The following HSPA4L variants were observed in gnomAD, a reference collection of about 807,000 sequenced individuals.
The protein encoded by HSPA4L is heat shock 70 kDa protein 4L.
A neutral mutation model predicts 100.3 loss-of-function variants in HSPA4L; 48 were observed. The ratio of observed to expected loss-of-function variants is 0.48; its 90% confidence interval spans 0.38 to 0.61. The LOEUF is 0.61. Ranked by LOEUF, HSPA4L falls within the 20% of genes least tolerant of loss-of-function variation. HSPA4L has a pLI of 0.00. For missense variants in HSPA4L, 886 were observed against 988.6 expected (o/e 0.90, Z 1.39); for synonymous variants, 319 against 328.2 (o/e 0.97, Z 0.30).
intron 8 of HSPA4L, among the ~76,000 whole-genome samples, chr4:127,804,855 A>G (rs1578702779): frequency 1.3e-5 from 2 of 152,154 alleles, no homozygotes; most frequent in Admixed American, 6.5e-5. Context: ...TTCTCTTTCT[A>G]TTGCCACTCC....
chr4:127,796,015 T>G (rs1400378678), intron 3 of HSPA4L, 107 bp downstream of exon 3: 1 of 943,364 alleles, frequency 1.1e-6, no homozygotes, highest in African/African-American at 1.6e-5. Context: ...ATACAGTACA[T>G]ACACACCGAA....
intron 18 of HSPA4L, among the ~76,000 whole-genome samples, chr4:127,831,226 G>A (rs564016577): frequency 1.1e-4 from 17 of 152,160 alleles, no homozygotes; most frequent in East Asian, 5.8e-4. Context: ...TTGGCCAGGC[G>A]TGGTGGCTCA....
intron 13 of HSPA4L, 114 bp downstream of exon 13, chr4:127,818,534 A>C (rs1456794231): frequency 1.3e-5 from 7 of 552,788 alleles, no homozygotes; most frequent in Non-Finnish European, 2.2e-5. Context: ...TTGTGAGAGA[A>C]TATAGAAAGC....
Position 127,803,802 on chromosome 4 carries a change from A to T in HSPA4L, c.837A>T (p.Ala279=). ...AAAAACTAAAGAAGCTAATGAGTGC[A>T]AATGCATCAGATCTTCCATTGAACA... ...ECEKLKKLMS[A]NASDLPLNIE... Residue 279 remains alanine (A), a synonymous_variant, in exon 7 of 19, where the codon GCA becomes GCT. Transcript: ENST00000296464. 1 of 1,613,930 alleles carries T rather than the reference A, an allele frequency of 6.2e-7. No individual in the cohort carries two copies. Among genetic ancestry groups the T allele is most frequent in the Non-Finnish European group, 8.5e-7 (1 of 1,179,868 alleles).
At chr4:127,820,276 A>G (rs1013228635) in intron 13 of HSPA4L, 152 bp from the exon 14 acceptor site, 2 of 578,546 alleles carry the variant, frequency 3.5e-6, no homozygotes, top group Non-Finnish European at 5.4e-6. Flanking sequence ...AGGATTTAAC[A>G]TACACAGACT....
chr4:127,831,479 G>A (rs75862345), intron 18 of HSPA4L, among the ~76,000 whole-genome samples: 2,895 of 141,228 alleles, frequency 0.02, 43 homozygotes, highest in Middle Eastern at 0.067. Context: ...CCAGCTGGGT[G>A]ACAGAGCAAG....
intron 1 of HSPA4L, among the ~76,000 whole-genome samples, chr4:127,783,197 A>G (rs1732615862): frequency 1.4e-5 from 2 of 146,108 alleles, no homozygotes; most frequent in Admixed American, 1.4e-4. Context: ...TTTTTTTTTA[A>G]GGGCGGGGAG....
chr4:127,821,940 T>C (rs1733824531), intron 14 of HSPA4L, among the ~76,000 whole-genome samples: 1 of 152,194 alleles, frequency 6.6e-6, no homozygotes, highest in Non-Finnish European at 1.5e-5. Context: ...ATGTTTTCTT[T>C]TGTTTTTTAA....
chr4:127,811,179 C>CT (rs35272929), intron 11 of HSPA4L, among the ~76,000 whole-genome samples: 75,147 of 142,362 alleles, frequency 0.53, 21,686 homozygotes, highest in Middle Eastern at 0.73. Flanking sequence ...ATTCCCAGTG[C>CT]TTTTTTTTTT....
rs931909498 is a variant in HSPA4L at position 127,782,334 on chromosome 4, C to G, written c.-217C>G. 3 of 545,886 alleles carry G rather than the reference C, an allele frequency of 5.5e-6. No individual in the cohort carries two copies. Among genetic ancestry groups the G allele is most frequent in the Admixed American group, 3.2e-5 (1 of 31,310 alleles). 33.8% of individuals were successfully genotyped at this position (545,886 alleles called of 1,614,324 possible). The stretch of plus-strand genomic sequence containing the variant: ...GCGGCCGAACCGCAGTAGGGAAAGA[C>G]CCAGGCTGCGGGACGCGGTGCAGGC... On this transcript the variant is annotated 5_prime_UTR_variant, in exon 1 of 19. Coordinates refer to ENST00000296464, the MANE Select transcript of HSPA4L (RefSeq NM_014278.4).
At chr4:127,795,123 G>GA (rs1264413532) in intron 2 of HSPA4L, among the ~76,000 whole-genome samples, 7 of 149,808 alleles carry the variant, frequency 4.7e-5, no homozygotes, top group South Asian at 4.2e-4. Flanking sequence ...ATATGGAGAG[G>GA]AAAAAAAAAC....
chr4:127,803,518 T>A, intron 6 of HSPA4L, 111 bp from the exon 7 acceptor site: 1 of 1,126,266 alleles, frequency 8.9e-7, no homozygotes, highest in Non-Finnish European at 1.2e-6. Flanking sequence ...ATTGGACAAG[T>A]TTTTTTAGCG....
At chr4:127,786,229 A>G (rs948014946) in intron 1 of HSPA4L, among the ~76,000 whole-genome samples, 1 of 152,190 alleles carries the variant, frequency 6.6e-6, no homozygotes, top group Non-Finnish European at 1.5e-5. Context: ...GCCAAAAATT[A>G]GTAAAACAAT....
rs191203433 is a variant in HSPA4L at position 127,819,551 on chromosome 4, A to G, written c.1675-877A>G. Among the ~76,000 whole-genome samples the G allele has an allele frequency of 2.6e-5, 4 of 152,300 alleles. No individual in the cohort carries two copies. In the East Asian group the frequency reaches 7.7e-4, roughly 29 times the overall value. On this transcript the variant is annotated intron_variant, in intron 13 of 18. Coordinates refer to ENST00000296464, the MANE Select transcript of HSPA4L (RefSeq NM_014278.4). Reference sequence around the variant, plus strand: ...TCCAATTAGTTGTACAGTTTTTAGTATATTCAGTTGTGCAACCATCATCAC... The same window carrying G: ...TCCAATTAGTTGTACAGTTTTTAGTGTATTCAGTTGTGCAACCATCATCAC...
chr4:127,793,638 A>G (rs1262968511), intron 1 of HSPA4L, among the ~76,000 whole-genome samples: 2 of 152,236 alleles, frequency 1.3e-5, no homozygotes, highest in African/African-American at 4.8e-5. Context: ...TTCTCACATA[A>G]CCATATGAGC....
At chr4:127,812,933 T>C (rs1012545186) in intron 12 of HSPA4L, 1 of 826,086 alleles carries the variant, frequency 1.2e-6, no homozygotes, top group African/African-American at 1.7e-5. Flanking sequence ...ATACGCACAT[T>C]AATTCTCTTG....
rs1410082584 is a variant in HSPA4L, at chr4:127,821,141, A to G, written c.1812+576A>G. Among the ~76,000 whole-genome samples the G allele has an allele frequency of 2.6e-5, 4 of 152,140 alleles. No individual in the cohort carries two copies. The East Asian group carries it at 7.7e-4, about 29-fold the overall frequency. ...ATTTTTACAAGCTCAGCTGGCATTA[A>G]AAGGTCAGTCTTCTGACTTTACAAT... On this transcript the variant is annotated intron_variant, in intron 14 of 18. Coordinates refer to ENST00000296464, the MANE Select transcript of HSPA4L (RefSeq NM_014278.4).
chr4:127,827,551 A>G, intron 17 of HSPA4L, 127 bp downstream of exon 17: 1 of 1,096,132 alleles, frequency 9.1e-7, no homozygotes, highest in Non-Finnish European at 1.3e-6. Flanking sequence ...GACTTTGTGT[A>G]CCAAACTTAA....
intron 17 of HSPA4L, among the ~76,000 whole-genome samples, chr4:127,829,160 CA>C (rs956130069): frequency 3.3e-5 from 5 of 151,978 alleles, no homozygotes; most frequent in Non-Finnish European, 7.4e-5. Context: ...AGTGAAAACT[CA>C]AAGATGTGTG....
Sources: allele counts gnomAD v4.1 joint callset (sites outside exome capture counted in the v4.1 genomes callset), GRCh38; gene constraint gnomAD v4.1.1; transcripts MANE v1.5; gene names NCBI Gene and HGNC (gene_info 2026-07-23, HGNC 2026-07-21).